The following HPSE variants were observed in gnomAD, a reference collection of about 807,000 sequenced individuals.
HPSE encodes the protein heparanase.
A neutral mutation model predicts 65.1 loss-of-function variants in HPSE; 48 were observed. That is an observed-to-expected ratio of 0.74 (90% CI 0.58 to 0.94). HPSE has a LOEUF of 0.94. HPSE is among the 40% of genes least tolerant of loss of function. The pLI, the probability that HPSE is intolerant of heterozygous loss-of-function variation, is 0.00. For missense variants in HPSE, 644 were observed against 637.5 expected (o/e 1.01, Z -0.11); for synonymous variants, 243 against 260.0 (o/e 0.93, Z 0.63).
chr4:83,321,095 G>A (rs1381611467), intron 2 of HPSE, among the ~76,000 whole-genome samples: 2 of 152,158 alleles, frequency 1.3e-5, no homozygotes, highest in Admixed American at 6.5e-5. Flanking sequence ...CTACTCAGGA[G>A]GCTAAGGTGG....
intron 9 of HPSE, among the ~76,000 whole-genome samples, chr4:83,303,292 A>C (rs1560505161): frequency 1.3e-5 from 2 of 152,218 alleles, no homozygotes; most frequent in Non-Finnish European, 2.9e-5. Context: ...TATAGAACAA[A>C]TTACCTGTTT....
chr4:83,329,696 A>T (rs1032604663), intron 1 of HPSE, among the ~76,000 whole-genome samples: 1 of 152,186 alleles, frequency 6.6e-6, no homozygotes, highest in Non-Finnish European at 1.5e-5. Context: ...TGAGCTGGAT[A>T]AGCTGGTTCT....
chr4:83,297,853 T>C (rs1050958846), intron 11 of HPSE, among the ~76,000 whole-genome samples: 2 of 152,206 alleles, frequency 1.3e-5, no homozygotes, highest in East Asian at 1.9e-4. Flanking sequence ...CTTGAAAATA[T>C]CTCCAGCTAA....
intron 3 of HPSE, among the ~76,000 whole-genome samples, chr4:83,315,418 C>G (rs1361087835): frequency 1.3e-5 from 2 of 152,118 alleles, no homozygotes; most frequent in Non-Finnish European, 2.9e-5. Flanking sequence ...TAACCTCCAC[C>G]CTCATTTTTC....
intron 9 of HPSE, 128 bp from the exon 10 acceptor site, chr4:83,302,396 T>A (rs1735986640): frequency 3.2e-6 from 2 of 617,396 alleles, no homozygotes; most frequent in South Asian, 2.1e-5. Flanking sequence ...GGCATTTAAA[T>A]AGGATTCATC....
At chr4:83,329,311 GT>G (rs1737273339) in intron 1 of HPSE, among the ~76,000 whole-genome samples, 1 of 152,082 alleles carries the variant, frequency 6.6e-6, no homozygotes, top group Non-Finnish European at 1.5e-5. Context: ...CCATTTCCAG[GT>G]TTTTGGGCCA....
rs750976278 is a variant in HPSE, at chr4:83,310,740, G to A, written c.824C>T (p.Thr275Met). 1.8e-5 allele frequency: 29 copies of A among 1,612,192 alleles called. No homozygotes were observed. The highest frequency in any genetic ancestry group is 9.9e-5 in the South Asian group (9 of 90,850). Residue 275 changes from threonine (T) to methionine (M), a missense_variant, in exon 5 of 12, where the codon ACG becomes ATG. Coordinates refer to ENST00000311412, the MANE Select transcript of HPSE (RefSeq NM_001098540.3). ...TTCCTACCTCTTCAGCATCTTAGCC[G>A]TCTTTCTTCGAGGCTGACCAACATC... is the stretch of plus-strand genomic sequence containing the variant. The part of the protein sequence containing the change: ...GPDVGQPRRK[T>M]AKMLKSFLKA...
intron 1 of HPSE, among the ~76,000 whole-genome samples, chr4:83,324,332 T>A (rs997092750): frequency 1.3e-5 from 2 of 152,098 alleles, no homozygotes; most frequent in Non-Finnish European, 2.9e-5. Flanking sequence ...AGATCTGATC[T>A]AAAATTTAAA....
intron 3 of HPSE, among the ~76,000 whole-genome samples, chr4:83,314,249 T>A (rs6847937): frequency 6.9e-6 from 1 of 144,236 alleles, no homozygotes; most frequent in Non-Finnish European, 1.5e-5. Flanking sequence ...CAGAATGAGA[T>A]CCTGTCTCAA....
chr4:83,320,554 A>G (rs373028205), intron 2 of HPSE, among the ~76,000 whole-genome samples: 60 of 151,244 alleles, frequency 4.0e-4, no homozygotes, highest in African/African-American at 1.4e-3. Flanking sequence ...CGACAGAGCC[A>G]GACCCTGTCT....
In HPSE at chr4:83,293,932, G is replaced by A. The variant is rs1044115106; in HGVS notation, c.*1412C>T. 6.6e-6 allele frequency: 1 copy of A among 152,166 alleles called. No homozygotes were observed. The highest frequency in any genetic ancestry group is 2.4e-5 in the African/African-American group (1 of 41,430). 9.4% of individuals were successfully genotyped at this position (152,166 alleles called of 1,614,324 possible). ...TTTCTGATGGGTGCCTGTAGAGATG[G>A]CACATGAAGGAAAGAATTCTAAAAT... On this transcript the variant is annotated 3_prime_UTR_variant, in exon 12 of 12. Transcript: ENST00000311412.
At chr4:83,313,048 G>C in intron 4 of HPSE, 66 bp downstream of exon 4, 1 of 974,432 alleles carries the variant, frequency 1.0e-6, no homozygotes, top group Non-Finnish European at 1.5e-6. Context: ...AAAAGAAAAA[G>C]AAAAGAAAAG....
chr4:83,325,019 A>T (rs1737087540), intron 1 of HPSE, among the ~76,000 whole-genome samples: 1 of 152,188 alleles, frequency 6.6e-6, no homozygotes, highest in Admixed American at 6.6e-5. Context: ...TTATGCCAGG[A>T]TGATAGCAAT....
At chr4:83,314,642 C>G (rs1004760053) in intron 3 of HPSE, among the ~76,000 whole-genome samples, 3 of 152,088 alleles carry the variant, frequency 2.0e-5, no homozygotes, top group Non-Finnish European at 4.4e-5. Context: ...TAAGTGTTGT[C>G]TTTAAATTGA....
intron 2 of HPSE, among the ~76,000 whole-genome samples, chr4:83,321,209 C>G (rs1461039041): frequency 2.0e-5 from 3 of 151,944 alleles, no homozygotes; most frequent in African/African-American, 7.3e-5. Context: ...AAAAACGCCC[C>G]CAAAACAAAA....
At chr4:83,315,844 C>T (rs1736610299) in intron 3 of HPSE, among the ~76,000 whole-genome samples, 1 of 152,118 alleles carries the variant, frequency 6.6e-6, no homozygotes, top group African/African-American at 2.4e-5. Context: ...ATAGCATTTT[C>T]AAAAAACCTG....
chr4:83,300,616 CCA>C (rs1735906338), intron 11 of HPSE, among the ~76,000 whole-genome samples: 1 of 23,500 alleles, frequency 4.3e-5, no homozygotes. Context: ...AGATCGAGAC[CCA>C]TCCGGGCTAA....
chr4:83,316,375 C>A (rs1378706276), intron 3 of HPSE, among the ~76,000 whole-genome samples: 1 of 151,484 alleles, frequency 6.6e-6, no homozygotes, highest in African/African-American at 2.4e-5. Context: ...GACCACCTAG[C>A]CTACTCCTTA....
At chr4:83,300,211 G>A (rs12507288) in intron 11 of HPSE, among the ~76,000 whole-genome samples, 96,580 of 152,062 alleles carry the variant, frequency 0.64, 32,167 homozygotes, top group East Asian at 0.87. Context: ...TACTTAAGAA[G>A]TATACTCTAG....
Sources: allele counts gnomAD v4.1 joint callset (sites outside exome capture counted in the v4.1 genomes callset), GRCh38; gene constraint gnomAD v4.1.1; transcripts MANE v1.5; gene names NCBI Gene and HGNC (gene_info 2026-07-23, HGNC 2026-07-21).